Variants in PACRG observed in about 807,000 individuals in gnomAD.
PACRG encodes parkin coregulated gene protein.
Under a neutral mutation model 29.7 loss-of-function variants are expected in PACRG, and 29 were observed. The observed-to-expected ratio is 0.98, with a 90% CI of 0.73 to 1.33. The LOEUF is 1.33. Ranked by LOEUF, PACRG falls within the 40% of genes most tolerant of loss-of-function variation. The pLI is 0.00. For missense variants in PACRG, 279 were observed against 316.2 expected, an observed-to-expected ratio of 0.88 and a Z score of 0.89; for synonymous variants, 116 against 118.7, an observed-to-expected ratio of 0.98 and a Z score of 0.15.
chr6:163,042,008 G>A (rs1405991333), intron 2 of PACRG, among the ~76,000 whole-genome samples: 1 of 152,192 alleles, frequency 6.6e-6, no homozygotes, highest in Non-Finnish European at 1.5e-5. Context: ...TGGAATAACA[G>A]GCATGCACCA....
At chr6:163,192,967 C>A (rs1242349255) in intron 4 of PACRG, among the ~76,000 whole-genome samples, 1 of 152,192 alleles carries the variant, frequency 6.6e-6, no homozygotes, top group East Asian at 1.9e-4. Context: ...TTCTACAACC[C>A]TTAAACCGGA....
intron 1 of PACRG, among the ~76,000 whole-genome samples, chr6:162,756,199 T>A (rs1418863319): frequency 6.6e-6 from 1 of 152,232 alleles, no homozygotes; most frequent in Non-Finnish European, 1.5e-5. Context: ...TGTTTCTTTA[T>A]TGATATTCTG....
intron 2 of PACRG, among the ~76,000 whole-genome samples, chr6:162,818,947 A>G (rs1029943238): frequency 2.4e-4 from 37 of 152,282 alleles, no homozygotes; most frequent in African/African-American, 8.4e-4. Flanking sequence ...CTCAAATTTG[A>G]AAGGGAGAAA....
intron 3 of PACRG, among the ~76,000 whole-genome samples, chr6:163,086,927 C>T (rs495882): frequency 6.6e-6 from 1 of 151,876 alleles, no homozygotes; most frequent in Admixed American, 6.6e-5. Flanking sequence ...CAGCAACAAA[C>T]TAGGGGCTGT....
chr6:163,294,211 CT>C (rs1784710625), intron 4 of PACRG, among the ~76,000 whole-genome samples: 3 of 152,104 alleles, frequency 2.0e-5, no homozygotes, highest in South Asian at 4.2e-4. Context: ...AGAATTTAAT[CT>C]CATATAAGAA....
At chr6:163,289,631 A>G (rs993276330) in intron 4 of PACRG, among the ~76,000 whole-genome samples, 13 of 152,160 alleles carry the variant, frequency 8.5e-5, no homozygotes, top group African/African-American at 1.7e-4. Flanking sequence ...CAGCATGTCC[A>G]TCGGGTAAAT....
chr6:163,282,427 T>C (rs1784252470), intron 4 of PACRG, among the ~76,000 whole-genome samples: 2 of 152,212 alleles, frequency 1.3e-5, no homozygotes, highest in African/African-American at 4.8e-5. Context: ...GAAATTCATC[T>C]GGGCCAGGTG....
intron 4 of PACRG, among the ~76,000 whole-genome samples, chr6:163,237,941 A>G (rs1461529773): frequency 6.6e-6 from 1 of 152,218 alleles, no homozygotes; most frequent in Non-Finnish European, 1.5e-5. Context: ...TTATCCTGTC[A>G]GAAGATATAT....
chr6:162,804,529 C>T (rs1318931657), intron 1 of PACRG, among the ~76,000 whole-genome samples: 2 of 152,076 alleles, frequency 1.3e-5, no homozygotes, highest in African/African-American at 4.8e-5. Context: ...CAAATTGATA[C>T]CAGTAATGTT....
At chr6:162,936,796 A>G (rs1284528056) in intron 2 of PACRG, among the ~76,000 whole-genome samples, 1 of 151,702 alleles carries the variant, frequency 6.6e-6, no homozygotes, top group African/African-American at 2.4e-5. Flanking sequence ...GTAATTGTTC[A>G]GAATTTTTTT....
chr6:163,306,978 T>A (rs559769105), intron 4 of PACRG, among the ~76,000 whole-genome samples: 1 of 152,330 alleles, frequency 6.6e-6, no homozygotes, highest in South Asian at 2.1e-4. Flanking sequence ...AGTGAGTTAT[T>A]GAATAGTATA....
At chr6:162,918,036 T>A (rs1472826457) in intron 2 of PACRG, among the ~76,000 whole-genome samples, 1 of 152,160 alleles carries the variant, frequency 6.6e-6, no homozygotes, top group Non-Finnish European at 1.5e-5. Flanking sequence ...AATTATTACT[T>A]TTCCTTGTCA....
At chr6:162,849,544 T>C (rs1790689786) in intron 2 of PACRG, among the ~76,000 whole-genome samples, 1 of 152,236 alleles carries the variant, frequency 6.6e-6, no homozygotes, top group Non-Finnish European at 1.5e-5. Context: ...ATGGGTGATC[T>C]GCTCAGGCTT....
chr6:163,313,113 C>T (rs199925383), intron 4 of PACRG, among the ~76,000 whole-genome samples: 5 of 149,588 alleles, frequency 3.3e-5, no homozygotes, highest in African/African-American at 9.9e-5. Flanking sequence ...TATATATATA[C>T]ATATATATAT....
chr6:162,773,615 C>T (rs1026685317), intron 1 of PACRG, among the ~76,000 whole-genome samples: 45 of 148,698 alleles, frequency 3.0e-4, no homozygotes, highest in Admixed American at 5.4e-4. Context: ...CCCGGGTTCA[C>T]GCCATTCTCC....
At chr6:162,934,475 G>C (rs1798095412) in intron 2 of PACRG, among the ~76,000 whole-genome samples, 1 of 151,990 alleles carries the variant, frequency 6.6e-6, no homozygotes, top group African/African-American at 2.4e-5. Context: ...CAGAAAGTCT[G>C]TTTCCTTGTA....
chr6:163,097,769 G>C (rs1476685582), intron 4 of PACRG, among the ~76,000 whole-genome samples: 1 of 152,148 alleles, frequency 6.6e-6, no homozygotes, highest in African/African-American at 2.4e-5. Flanking sequence ...AAGAGTGTCA[G>C]GGTCAAGATA....
chr6:163,153,492 CAA>C (rs1052376059), intron 4 of PACRG, among the ~76,000 whole-genome samples: 3 of 152,122 alleles, frequency 2.0e-5, no homozygotes, highest in South Asian at 2.1e-4. Flanking sequence ...TTTGAAAATA[CAA>C]AAAATGGTGA....
At chr6:162,738,809 A>G (rs567461294) in intron 1 of PACRG, among the ~76,000 whole-genome samples, 71 of 152,244 alleles carry the variant, frequency 4.7e-4, no homozygotes, top group Admixed American at 1.3e-3. Flanking sequence ...ACACTTTGAT[A>G]TTTCTAGTTA....
Sources: allele counts gnomAD v4.1 joint callset (sites outside exome capture counted in the v4.1 genomes callset), GRCh38; gene constraint gnomAD v4.1.1; transcripts MANE v1.5; gene names NCBI Gene and HGNC (gene_info 2026-07-23, HGNC 2026-07-21).